Variants in FRMD4B observed in about 807,000 individuals in gnomAD.
FRMD4B encodes the protein FERM domain-containing protein 4B.
FRMD4B carries 74 observed loss-of-function variants against 141.5 expected under a neutral mutation model. That is an observed-to-expected ratio of 0.52 (90% confidence interval 0.43 to 0.63). The LOEUF is 0.63. FRMD4B is among the 30% of genes least tolerant of loss of function. The probability of loss-of-function intolerance (pLI) is 0.00; values close to 1 mark genes in which losing one functional copy is unlikely to be tolerated. For missense variants in FRMD4B, 1,366 were observed against 1,253.4 expected (o/e 1.09, Z -1.36); for synonymous variants, 506 against 467.9 (o/e 1.08, Z -1.05).
intron 1 of FRMD4B, among the ~76,000 whole-genome samples, chr3:69,385,233 G>A (rs1011306210): frequency 3.9e-5 from 6 of 152,056 alleles, no homozygotes; most frequent in Non-Finnish European, 8.8e-5. Context: ...GCATTCCAAC[G>A]TGTAGCCGGG....
chr3:69,216,641 A>T (rs2093143642), intron 10 of FRMD4B, among the ~76,000 whole-genome samples: 1 of 151,938 alleles, frequency 6.6e-6, no homozygotes, highest in African/African-American at 2.4e-5. Context: ...TATGTTGGCT[A>T]GGATGGTCTT....
chr3:69,200,388 CACAA>C (rs2092953821), intron 11 of FRMD4B: 11 of 986,518 alleles, frequency 1.1e-5, no homozygotes, highest in Non-Finnish European at 1.3e-5. Context: ...TTAAAATCTC[CACAA>C]ACTTGAGGTT....
intron 5 of FRMD4B, among the ~76,000 whole-genome samples, chr3:69,261,256 G>A (rs1459922162): frequency 3.3e-5 from 5 of 152,152 alleles, no homozygotes; most frequent in African/African-American, 4.8e-5. Context: ...AAGAAACTCC[G>A]AACATCAGAA....
At chr3:69,191,695 G>A (rs1296556726) in intron 17 of FRMD4B, among the ~76,000 whole-genome samples, 1 of 152,212 alleles carries the variant, frequency 6.6e-6, no homozygotes, top group African/African-American at 2.4e-5. Flanking sequence ...ATAGTCAGCT[G>A]TTAGGCATAC....
At chr3:69,419,045 G>A (rs1704924219) in intron 2 of FRMD4B, among the ~76,000 whole-genome samples, 1 of 152,144 alleles carries the variant, frequency 6.6e-6, no homozygotes, top group African/African-American at 2.4e-5. Flanking sequence ...AGATAGCAAA[G>A]TGCACTGGGA....
intron 11 of FRMD4B, among the ~76,000 whole-genome samples, chr3:69,212,381 G>GAAAAAAAAAAAAAAAAAA (rs61444871): frequency 1.0e-5 from 1 of 95,596 alleles, no homozygotes; most frequent in African/African-American, 4.0e-5. Flanking sequence ...AAAAAAAAAA[G>GAAAAAAAAAAAAAAAAAA]AAAAAAAAAA....
rs78329853 is a variant in FRMD4B at position 69,419,390 on chromosome 3, C to T, written c.-1+13244G>A. Reference sequence around the variant, plus strand: ...AGTATTGATCTCATGCTCAGGCAGCCTCTTCCAGTGGAGCCAGAGGTGGCC... The same window carrying T: ...AGTATTGATCTCATGCTCAGGCAGCTTCTTCCAGTGGAGCCAGAGGTGGCC... On this transcript the variant is annotated intron_variant, in intron 2 of 5. Coordinates refer to the FRMD4B transcript ENST00000459638. Among the ~76,000 whole-genome samples, 35 of 152,090 alleles carry T rather than the reference C, an allele frequency of 2.3e-4. 1 individual carries two copies. The East Asian group carries it at 6.6e-3, about 29-fold the overall frequency.
chr3:69,213,661 ATT>A lies in FRMD4B; in HGVS notation c.876+2600_876+2601del, dbSNP rs11322872. ...GAATGATGCGCTGTTGTTTTCATTG[ATT>A]TTTTTTTTTTTTTTTCTGACACAAG... On this transcript the variant is annotated intron_variant, in intron 11 of 22. Coordinates refer to ENST00000398540, the MANE Select transcript of FRMD4B (RefSeq NM_015123.3). Among the ~76,000 whole-genome samples the A allele has an allele frequency of 5.6e-3, 736 of 132,402 alleles. 2 individuals are homozygous for A. The highest frequency in any genetic ancestry group is 7.9e-3 in the Non-Finnish European group (497 of 63,014). The allele number at this position is 132,402 out of a possible 152,430, so 86.9% of individuals were successfully genotyped here.
Position 69,386,072 on chromosome 3 carries a change from C to T in FRMD4B, c.-83G>A, listed in dbSNP as rs1371193833. On this transcript the variant is annotated 5_prime_UTR_variant, in exon 1 of 23. Transcript: ENST00000398540. ...CCAGCGGCCTGCCCGCCTGGGCTCC[C>T]GACGCCGGCTTCTGCTGGCAGCCGG... is the stretch of plus-strand genomic sequence containing the variant. 4.0e-6 allele frequency: 5 copies of T among 1,252,982 alleles called. No individual in the cohort carries two copies. The African/African-American group carries it at 7.8e-5, about 20-fold the overall frequency. The allele number at this position is 1,252,982 out of a possible 1,614,324, so 77.6% of individuals were successfully genotyped here.
intron 1 of FRMD4B, among the ~76,000 whole-genome samples, chr3:69,499,285 A>G (rs1331628145): frequency 2.0e-5 from 3 of 152,158 alleles, no homozygotes; most frequent in African/African-American, 4.8e-5. Context: ...GTGCAGTGGG[A>G]AGCCATTGAT....
At chr3:69,319,442 T>C (rs1219878450) in intron 1 of FRMD4B, among the ~76,000 whole-genome samples, 2 of 152,210 alleles carry the variant, frequency 1.3e-5, no homozygotes, top group African/African-American at 4.8e-5. Context: ...GGAGGAATAT[T>C]ACTGACCCAT....
At chr3:69,393,197 T>C (rs1704415134) in intron 2 of FRMD4B, among the ~76,000 whole-genome samples, 1 of 152,124 alleles carries the variant, frequency 6.6e-6, no homozygotes. Context: ...CTCATTTCAC[T>C]CCTGGGGGTG....
At chr3:69,454,626 C>T (rs961203805) in intron 1 of FRMD4B, among the ~76,000 whole-genome samples, 1 of 152,214 alleles carries the variant, frequency 6.6e-6, no homozygotes, top group Non-Finnish European at 1.5e-5. Context: ...CACTGCCGGC[C>T]CGCCCACGCC....
intron 1 of FRMD4B, among the ~76,000 whole-genome samples, chr3:69,508,497 G>C (rs1240243868): frequency 6.6e-6 from 1 of 152,124 alleles, no homozygotes. Context: ...CCTAGTCAAT[G>C]AGAATAGGGG....
chr3:69,213,689 G>C (rs2093110247), intron 11 of FRMD4B, among the ~76,000 whole-genome samples: 2 of 143,166 alleles, frequency 1.4e-5, no homozygotes, highest in Non-Finnish European at 3.0e-5. Context: ...CTGACACAAG[G>C]TTTTGCTCTG....
intron 5 of FRMD4B, among the ~76,000 whole-genome samples, chr3:69,253,697 C>G (rs1162891089): frequency 1.3e-5 from 2 of 152,144 alleles, no homozygotes. Context: ...TTGTAGAACA[C>G]CAACAAATAA....
intron 1 of FRMD4B, among the ~76,000 whole-genome samples, chr3:69,524,089 G>C (rs1422683206): frequency 6.6e-6 from 1 of 152,214 alleles, no homozygotes; most frequent in Non-Finnish European, 1.5e-5. Flanking sequence ...CACCCTTCCA[G>C]AATATAGCAA....
At chr3:69,480,011 C>T (rs911069682) in intron 1 of FRMD4B, among the ~76,000 whole-genome samples, 3 of 152,204 alleles carry the variant, frequency 2.0e-5, no homozygotes, top group Non-Finnish European at 2.9e-5. Context: ...GCTCCTGAGG[C>T]TTCTGCATTC....
chr3:69,254,128 G>A (rs538457344), intron 5 of FRMD4B, among the ~76,000 whole-genome samples: 4 of 151,688 alleles, frequency 2.6e-5, no homozygotes, highest in South Asian at 2.1e-4. Flanking sequence ...TTTTTTAGAC[G>A]GAGTCTCATA....
Sources: allele counts gnomAD v4.1 joint callset (sites outside exome capture counted in the v4.1 genomes callset), GRCh38; gene constraint gnomAD v4.1.1; transcripts MANE v1.5; gene names NCBI Gene and HGNC (gene_info 2026-07-23, HGNC 2026-07-21).